The following TPP2 variants were observed in gnomAD, a reference collection of about 807,000 sequenced individuals.
TPP2 encodes the protein tripeptidyl peptidase 2.
In TPP2, 34 loss-of-function variants were observed where a neutral mutation model predicts 155.9. The ratio of observed to expected loss-of-function variants is 0.22; its 90% confidence interval spans 0.17 to 0.29. The LOEUF (loss-of-function observed/expected upper bound fraction) is 0.29. TPP2 is among the 10% of genes least tolerant of loss of function. The pLI, the probability that TPP2 is intolerant of heterozygous loss-of-function variation, is 1.00. For synonymous variants in TPP2, 510 were observed against 529.4 expected (o/e 0.96, Z 0.50); for missense variants, 1,028 against 1,522.3 (o/e 0.68, Z 5.40).
chr13:102,663,663 C>A lies in TPP2; in HGVS notation c.3159C>A (p.Asp1053Glu). ...IQWMTKLDSS[D>E]IYNELKETYP... is the part of the protein sequence containing the mutation. Reference sequence around the variant, plus strand: ...ACATACATAGGCTGGATTCTAGTGACATTTATAACGAATTGAAAGAAACAT... The same window carrying A: ...ACATACATAGGCTGGATTCTAGTGAAATTTATAACGAATTGAAAGAAACAT... The change falls in exon 26 of 30, where the codon GAC (aspartate) becomes GAA (glutamate). Residue 1053 changes from aspartate to glutamate, a missense_variant. By Grantham distance (45) the Asp-to-Glu change is conservative (BLOSUM62 2). This residue lies in a region of TPP2 where 179 missense variants were observed against 274.7 expected (regional missense o/e 0.65). Transcript: ENST00000376052. 6.2e-7 allele frequency: 1 copy of A among 1,602,944 alleles called. No individual in the cohort carries two copies. The highest frequency in any genetic ancestry group is 8.5e-7 in the Non-Finnish European group (1 of 1,176,336).
In TPP2 at chr13:102,601,807, T is replaced by C. The variant is rs145937406; in HGVS notation, c.166-2986T>C. 2.0e-3 allele frequency among the ~76,000 whole-genome samples: 303 copies of C among 152,322 alleles called. 3 individuals carry two copies. The highest frequency in any genetic ancestry group is 7.0e-3 in the African/African-American group (290 of 41,560). ...CCCTACATTTCTGTTTTTGTCTTTTTATGTCTAGTGAAGTGGTTTTCTTTA... is the reference window on the plus strand; with the variant it reads ...CCCTACATTTCTGTTTTTGTCTTTTCATGTCTAGTGAAGTGGTTTTCTTTA... On this transcript the variant is annotated intron_variant, in intron 1 of 29. Coordinates refer to ENST00000376052, the MANE Select transcript of TPP2 (RefSeq NM_001330588.2).
chr13:102,629,741 T>G lies in TPP2; in HGVS notation c.1144+132T>G, dbSNP rs539705214. The G allele has an allele frequency of 6.0e-4, 751 of 1,251,874 alleles. 10 individuals are homozygous for G. In the South Asian group the frequency reaches 0.014, roughly 23 times the overall value. The allele number at this position is 1,251,874 out of a possible 1,614,324, so 77.5% of individuals were successfully genotyped here. A position where few individuals can be genotyped will look rare whatever the true frequency, so the allele number is the denominator to read the frequency against. ...CTTAAGTGTGTCCTCAGGAAACTTA[T>G]AGTCTGGTAGGGGAACCAGCACATC... On this transcript the variant is annotated intron_variant, in intron 9 of 29. Coordinates refer to ENST00000376052, the MANE Select transcript of TPP2 (RefSeq NM_001330588.2).
chr13:102,660,761 T>C (rs1464231634), intron 25 of TPP2, among the ~76,000 whole-genome samples: 1 of 152,214 alleles, frequency 6.6e-6, no homozygotes, highest in Non-Finnish European at 1.5e-5. Context: ...GACAGTGTTA[T>C]ACTGGCACAA....
intron 27 of TPP2, 121 bp downstream of exon 27, chr13:102,665,046 A>G (rs1033940511): frequency 6.5e-6 from 8 of 1,233,264 alleles, no homozygotes; most frequent in Admixed American, 2.6e-5. Flanking sequence ...TTATAATGGG[A>G]ATTATCACTA....
At chr13:102,612,737 C>CAG (rs1880417040) in intron 2 of TPP2, among the ~76,000 whole-genome samples, 1 of 152,128 alleles carries the variant, frequency 6.6e-6, no homozygotes, top group African/African-American at 2.4e-5. Context: ...ATGGACCGTG[C>CAG]AGACTTTGAT....
intron 2 of TPP2, among the ~76,000 whole-genome samples, chr13:102,606,920 A>G (rs1879877472): frequency 6.6e-6 from 1 of 152,098 alleles, no homozygotes; most frequent in Admixed American, 6.5e-5. Context: ...TTGTGTTGGT[A>G]TTTGAAAGTT....
At chr13:102,604,544 G>A (rs1244949194) in intron 1 of TPP2, among the ~76,000 whole-genome samples, 1 of 152,168 alleles carries the variant, frequency 6.6e-6, no homozygotes, top group East Asian at 1.9e-4. Context: ...ATAGGGTGTG[G>A]TCTATAGTAA....
chr13:102,625,251 G>A (rs538922527), intron 6 of TPP2, among the ~76,000 whole-genome samples: 94 of 142,334 alleles, frequency 6.6e-4, no homozygotes, highest in Middle Eastern at 7.8e-3. Flanking sequence ...TGCAAGCTCC[G>A]CCTCCCGGGT....
intron 6 of TPP2, among the ~76,000 whole-genome samples, chr13:102,624,221 A>C (rs1399420880): frequency 6.6e-6 from 1 of 152,212 alleles, no homozygotes; most frequent in Non-Finnish European, 1.5e-5. Context: ...ATAGATGGAA[A>C]GATTATGCAC....
chr13:102,597,567 C>A (rs982978540), intron 1 of TPP2, among the ~76,000 whole-genome samples: 1 of 151,854 alleles, frequency 6.6e-6, no homozygotes. Flanking sequence ...CCAGGCCGGA[C>A]CCCCCAGGCT....
rs1340087665 is a variant in TPP2, at chr13:102,636,381, C to T, written c.1667C>T (p.Pro556Leu). ...DHGVGIEPVF[P>L]ENTENSEKIS... is the part of the protein sequence containing the mutation. ...GGCGTTGGCATTGAACCTGTATTTC[C>T]GGAGAACACAGGTCAGTAATAGGCT... The change falls in exon 13 of 30, where the codon CCG becomes CTG. Residue 556 changes from proline (P) to leucine (L), a missense_variant. Transcript: ENST00000376052. 9.3e-6 allele frequency: 15 copies of T among 1,612,166 alleles called. No individual in the cohort carries two copies. Among genetic ancestry groups the T allele is most frequent in the Admixed American group, 1.7e-5 (1 of 59,592 alleles).
At chr13:102,623,094 G>A (rs994027031) in intron 6 of TPP2, 54 bp downstream of exon 6, 3 of 1,543,514 alleles carry the variant, frequency 1.9e-6, no homozygotes, top group African/African-American at 2.8e-5. Flanking sequence ...TGATAAAGTG[G>A]TACGTTGCGA....
intron 6 of TPP2, among the ~76,000 whole-genome samples, chr13:102,623,765 C>T (rs7336089): frequency 0.49 from 75,219 of 152,000 alleles, 19,013 homozygotes; most frequent in African/African-American, 0.6. Context: ...GTTATTCTTA[C>T]TGTGAAATAC....
At chr13:102,611,666 T>TA (rs761421870) in intron 2 of TPP2, among the ~76,000 whole-genome samples, 1 of 151,642 alleles carries the variant, frequency 6.6e-6, no homozygotes, top group Admixed American at 6.6e-5. Context: ...CTCAAAAAAA[T>TA]AAAAAAAAGA....
intron 6 of TPP2, 23 bp downstream of exon 6, chr13:102,623,063 A>G (rs774455482): frequency 1.9e-6 from 3 of 1,604,158 alleles, no homozygotes; most frequent in Non-Finnish European, 2.6e-6. Context: ...AGATTGACCA[A>G]TGAGATATAG....
At chr13:102,634,544 C>G (rs1216080682) in intron 11 of TPP2, among the ~76,000 whole-genome samples, 1 of 152,122 alleles carries the variant, frequency 6.6e-6, no homozygotes, top group Non-Finnish European at 1.5e-5. Flanking sequence ...TGGGCTTAGC[C>G]AGGACTCAGA....
chr13:102,633,105 T>C (rs1882128691), intron 10 of TPP2, among the ~76,000 whole-genome samples: 1 of 152,238 alleles, frequency 6.6e-6, no homozygotes, highest in Non-Finnish European at 1.5e-5. Flanking sequence ...CTGTGGGGAA[T>C]GTATGGCCAC....
intron 24 of TPP2, 174 bp from the exon 25 acceptor site, chr13:102,656,882 A>C: frequency 2.0e-6 from 1 of 503,124 alleles, no homozygotes; most frequent in Non-Finnish European, 3.4e-6. Context: ...TTTGTGAGAA[A>C]ATTACTGTGA....
rs886684051 is a variant in TPP2 at position 102,666,073 on chromosome 13, G to A, written c.3371+1148G>A. ...ATACAGCCACCATTTATTAAGTGCC[G>A]ATTATGTATAAGGGACTATTGAGGG... On this transcript the variant is annotated intron_variant, in intron 27 of 29. Transcript: ENST00000376052. Among the ~76,000 whole-genome samples, 64 of 152,242 alleles carry A rather than the reference G, an allele frequency of 4.2e-4. 1 individual carries two copies. The highest frequency in any genetic ancestry group is 4.1e-4 in the South Asian group (2 of 4,830).
Sources: allele counts gnomAD v4.1 joint callset (sites outside exome capture counted in the v4.1 genomes callset), GRCh38; gene constraint gnomAD v4.1.1; regional missense constraint gnomAD v4.1.1; transcripts MANE v1.5; gene names NCBI Gene and HGNC (gene_info 2026-07-23, HGNC 2026-07-21).